APCS: variants seen among roughly 807,000 people sequenced by gnomAD.
APCS encodes the protein amyloid P component, serum, also known as serum amyloid P-component.
A neutral mutation model predicts 2.5 loss-of-function variants in APCS; 2 were observed. The ratio of observed to expected loss-of-function variants is 0.80; its 90% CI spans 0.33 to 2.53. The LOEUF (loss-of-function observed/expected upper bound fraction) is 2.53, where lower values mean the gene tolerates loss of function less well. Ranked by LOEUF, APCS falls within the 30% of genes most tolerant of loss-of-function variation. The pLI is 0.11. For missense variants in APCS, 302 were observed against 258.9 expected (o/e 1.17, Z -1.14); for synonymous variants, 109 against 102.5 (o/e 1.06, Z -0.39).
Position 159,588,502 on chromosome 1 carries a change from C to G in APCS, c.466C>G (p.Gln156Glu). Residue 156 changes from glutamine to glutamate, a missense_variant, in exon 2 of 2, where the codon CAG becomes GAG. Physicochemically the swap from Gln to Glu is conservative, Grantham distance 29. Transcript: ENST00000255040. ...AQPKIVLGQE[Q>E]DSYGGKFDRS... ...GCCCAAGATTGTCCTGGGGCAGGAA[C>G]AGGATTCCTATGGGGGCAAGTTTGA... 2 of 1,613,824 alleles carry G rather than the reference C, an allele frequency of 1.2e-6. No individual in the cohort carries two copies. Among genetic ancestry groups the G allele is most frequent in the East Asian group, 2.2e-5 (1 of 44,868 alleles).
chr1:159,588,582 G>T lies in APCS; in HGVS notation c.546G>T (p.Val182=), dbSNP rs1304999534. ...EIGDLYMWDS[V]LPPENILSAY... is the part of the protein sequence containing the mutation. ...GGGATTTGTACATGTGGGACTCTGTGCTGCCCCCAGAAAATATCCTGTCTG... is the reference window on the plus strand; with the variant it reads ...GGGATTTGTACATGTGGGACTCTGTTCTGCCCCCAGAAAATATCCTGTCTG... Residue 182 remains valine (V), a synonymous_variant, in exon 2 of 2, where the codon GTG becomes GTT. Transcript: ENST00000255040. 7 of 1,613,866 alleles carry T rather than the reference G, an allele frequency of 4.3e-6. No homozygotes were observed. The highest frequency in any genetic ancestry group is 5.9e-6 in the Non-Finnish European group (7 of 1,179,976).
Position 159,588,278 on chromosome 1 carries a change from T to C in APCS, c.242T>C (p.Leu81Pro). ...ACCCAAGGCAGGGATAATGAGCTAC[T>C]AGTTTATAAAGAAAGAGTTGGAGAG... ...YNTQGRDNELLVYKERVGEYS... is the reference protein window; with the variant it reads ...YNTQGRDNELPVYKERVGEYS... The change falls in exon 2 of 2, where the codon CTA becomes CCA. Residue 81 changes from leucine (L) to proline (P), a missense_variant. Coordinates refer to ENST00000255040, the MANE Select transcript of APCS (RefSeq NM_001639.4). 1 of 1,613,832 alleles carries C rather than the reference T, an allele frequency of 6.2e-7. No homozygotes were observed. The highest frequency in any genetic ancestry group is 2.2e-5 in the East Asian group (1 of 44,878).
In APCS at chr1:159,588,519, C is replaced by T; in HGVS notation, c.483C>T (p.Gly161=). The change falls in exon 2 of 2, where the codon GGC becomes GGT. Residue 161 remains glycine, a synonymous_variant. Transcript: ENST00000255040. ...GGCAGGAACAGGATTCCTATGGGGG[C>T]AAGTTTGATAGGAGCCAGTCCTTTG... ...VLGQEQDSYG[G]KFDRSQSFVG... is the part of the protein sequence containing the mutation. 6.2e-7 allele frequency: 1 copy of T among 1,613,892 alleles called. No individual in the cohort carries two copies. The highest frequency in any genetic ancestry group is 1.1e-5 in the South Asian group (1 of 91,068).
Position 159,587,912 on chromosome 1 carries a change from G to A in APCS, c.-10G>A. ...CACTGCTTCTGCTATAACAGCCCTA[G>A]GCCAGGAATATGAACAAGCCGCTGC... On this transcript the variant is annotated 5_prime_UTR_variant, in exon 1 of 2. Transcript: ENST00000255040. 6.2e-7 allele frequency: 1 copy of A among 1,613,558 alleles called. No individual in the cohort carries two copies. Among genetic ancestry groups the A allele is most frequent in the South Asian group, 1.1e-5 (1 of 91,046 alleles).
In APCS at chr1:159,588,849, T is replaced by C; in HGVS notation, c.*141T>C. 2.2e-6 allele frequency: 2 copies of C among 903,744 alleles called. No individual in the cohort carries two copies. The highest frequency in any genetic ancestry group is 3.2e-6 in the Non-Finnish European group (2 of 615,604). The allele number at this position is 903,744 out of a possible 1,614,324, so 56.0% of individuals were successfully genotyped here. ...GTATGTCTGCCTAATTAAAAAAATA[T>C]ATATTGTATTATGCTACCTGCATTT... On this transcript the variant is annotated 3_prime_UTR_variant, in exon 2 of 2. Coordinates refer to ENST00000255040, the MANE Select transcript of APCS (RefSeq NM_001639.4).
rs200323035 is a variant in APCS at position 159,588,259 on chromosome 1, G to A, written c.223G>A (p.Gly75Ser). Residue 75 changes from glycine to serine, a missense_variant, in exon 2 of 2, where the codon GGC becomes AGC. Transcript: ENST00000255040. ...AYSLFSYNTQ[G>S]RDNELLVYKE... ...CAGCCTCTTCTCCTACAATACCCAAGGCAGGGATAATGAGCTACTAGTTTA... is the reference window on the plus strand; with the variant it reads ...CAGCCTCTTCTCCTACAATACCCAAAGCAGGGATAATGAGCTACTAGTTTA... 8 of 1,613,850 alleles carry A rather than the reference G, an allele frequency of 5.0e-6. No individual in the cohort carries two copies. The highest frequency in any genetic ancestry group is 6.8e-6 in the Non-Finnish European group (8 of 1,179,926).
Position 159,588,235 on chromosome 1 carries a change from A to G in APCS, c.199A>G (p.Ser67Gly). 2 of 1,614,170 alleles carry G rather than the reference A, an allele frequency of 1.2e-6. No individual in the cohort carries two copies. The highest frequency in any genetic ancestry group is 1.7e-6 in the Non-Finnish European group (2 of 1,180,002). The change falls in exon 2 of 2, where the codon AGC (serine) becomes GGC (glycine). Residue 67 changes from serine to glycine, a missense_variant. Transcript: ENST00000255040. ...CTATAGTGATCTCTCTCGTGCCTAC[A>G]GCCTCTTCTCCTACAATACCCAAGG... ...RAYSDLSRAY[S>G]LFSYNTQGRD...
In APCS at chr1:159,588,752, A is replaced by T. The variant is rs1420224621; in HGVS notation, c.*44A>T. The T allele has an allele frequency of 1.3e-6, 2 of 1,560,864 alleles. No homozygotes were observed. Among genetic ancestry groups the T allele is most frequent in the Non-Finnish European group, 1.7e-6 (2 of 1,148,870 alleles). On this transcript the variant is annotated 3_prime_UTR_variant, in exon 2 of 2. Coordinates refer to ENST00000255040, the MANE Select transcript of APCS (RefSeq NM_001639.4). The stretch of plus-strand genomic sequence containing the variant: ...GCACTTGAAAATGAAATGACTGTCT[A>T]AGAGATCTGGTCAAAGCAACTGGAT...
In APCS at chr1:159,588,057, G is replaced by C. The variant is rs751267985; in HGVS notation, c.65-44G>C. ...GTTGAAGCTGAGATATCTTTTCCCT[G>C]CATTTATACTGAAGGTCATTATCTT... On this transcript the variant is annotated intron_variant, in intron 1 of 1. Coordinates refer to ENST00000255040, the MANE Select transcript of APCS (RefSeq NM_001639.4). The C allele has an allele frequency of 3.7e-6, 6 of 1,613,100 alleles. No homozygotes were observed. The African/African-American group carries it at 6.7e-5, about 18-fold the overall frequency.
In APCS at chr1:159,588,118, T is replaced by C; in HGVS notation, c.82T>C (p.Phe28Leu). Residue 28 changes from phenylalanine to leucine, a missense_variant, in exon 2 of 2, where the codon TTT becomes CTT. Phe to Leu is a conservative substitution (Grantham distance 22, BLOSUM62 0). Transcript: ENST00000255040. ...FAHTDLSGKV[F>L]VFPRESVTDH... ...TCCCGCAGACCTCAGTGGGAAGGTG[T>C]TTGTATTTCCTAGAGAATCTGTTAC... The C allele has an allele frequency of 6.2e-7, 1 of 1,613,652 alleles. No individual in the cohort carries two copies.
rs1291866975 is a variant in APCS, at chr1:159,588,804, C to T, written c.*96C>T. 6 of 1,347,460 alleles carry T rather than the reference C, an allele frequency of 4.5e-6. No individual in the cohort carries two copies. The African/African-American group carries it at 5.9e-5, about 13-fold the overall frequency. 83.5% of individuals were successfully genotyped at this position (1,347,460 alleles called of 1,614,324 possible). On this transcript the variant is annotated 3_prime_UTR_variant, in exon 2 of 2. Coordinates refer to ENST00000255040, the MANE Select transcript of APCS (RefSeq NM_001639.4). ...CTAGATCTTACATCTGCAGCTCTTTCTTCTTTGAATTTCCTATCTGTATGT... is the reference window on the plus strand; with the variant it reads ...CTAGATCTTACATCTGCAGCTCTTTTTTCTTTGAATTTCCTATCTGTATGT...
In APCS at chr1:159,588,834, C is replaced by T. The variant is rs1390321139; in HGVS notation, c.*126C>T. The T allele has an allele frequency of 3.6e-6, 4 of 1,102,530 alleles. No individual in the cohort carries two copies. The East Asian group carries it at 7.2e-5, about 20-fold the overall frequency. 68.3% of individuals were successfully genotyped at this position (1,102,530 alleles called of 1,614,324 possible). ...TTGAATTTCCTATCTGTATGTCTGC[C>T]TAATTAAAAAAATATATATTGTATT... On this transcript the variant is annotated 3_prime_UTR_variant, in exon 2 of 2. Transcript: ENST00000255040.
chr1:159,588,489 C>T lies in APCS; in HGVS notation c.453C>T (p.Val151=), dbSNP rs1465629350. 6.2e-7 allele frequency: 1 copy of T among 1,613,818 alleles called. No individual in the cohort carries two copies. Among genetic ancestry groups the T allele is most frequent in the Admixed American group, 1.7e-5 (1 of 59,984 alleles). The change falls in exon 2 of 2, where the codon GTC becomes GTT. Residue 151 remains valine, a synonymous_variant. Transcript: ENST00000255040. ...GYFVEAQPKI[V]LGQEQDSYGG... The stretch of plus-strand genomic sequence containing the variant: ...TTGTAGAAGCTCAGCCCAAGATTGT[C>T]CTGGGGCAGGAACAGGATTCCTATG...
At position 159,588,513 on chromosome 1, in the gene APCS, T is replaced by TG. The variant is rs778663293; in HGVS notation, c.482dup (p.Lys162GlnfsTer3). On this transcript the variant is annotated frameshift_variant, in exon 2 of 2. Transcript: ENST00000255040. LOFTEE classifies it low-confidence loss of function (END_TRUNC). Reference sequence around the variant, plus strand: ...TCCTGGGGCAGGAACAGGATTCCTATGGGGGCAAGTTTGATAGGAGCCAGT... The same window carrying TG: ...TCCTGGGGCAGGAACAGGATTCCTATGGGGGGCAAGTTTGATAGGAGCCAGT... 813 of 1,613,980 alleles carry TG rather than the reference T, an allele frequency of 5.0e-4. No homozygotes were observed. The highest frequency in any genetic ancestry group is 6.6e-4 in the Non-Finnish European group (784 of 1,179,972).
Position 159,588,715 on chromosome 1 carries a change from G to A in APCS, c.*7G>A. 4 of 1,598,136 alleles carry A rather than the reference G, an allele frequency of 2.5e-6. No individual in the cohort carries two copies. The highest frequency in any genetic ancestry group is 3.4e-6 in the Non-Finnish European group (4 of 1,169,242). Reference sequence around the variant, plus strand: ...ACCCTTGGTGTGGGTCTGAGGTCTTGACTCAACGAGAGCACTTGAAAATGA... The same window carrying A: ...ACCCTTGGTGTGGGTCTGAGGTCTTAACTCAACGAGAGCACTTGAAAATGA... On this transcript the variant is annotated 3_prime_UTR_variant, in exon 2 of 2. Coordinates refer to ENST00000255040, the MANE Select transcript of APCS (RefSeq NM_001639.4).
chr1:159,588,124 T>C lies in APCS; in HGVS notation c.88T>C (p.Phe30Leu), dbSNP rs943375054. 4 of 1,613,608 alleles carry C rather than the reference T, an allele frequency of 2.5e-6. No individual in the cohort carries two copies. The highest frequency in any genetic ancestry group is 2.7e-5 in the African/African-American group (2 of 74,884). ...AGACCTCAGTGGGAAGGTGTTTGTATTTCCTAGAGAATCTGTTACTGATCA... is the reference window on the plus strand; with the variant it reads ...AGACCTCAGTGGGAAGGTGTTTGTACTTCCTAGAGAATCTGTTACTGATCA... ...HTDLSGKVFV[F>L]PRESVTDHVN... Residue 30 changes from phenylalanine to leucine, a missense_variant, in exon 2 of 2, where the codon TTT (phenylalanine) becomes CTT (leucine). Physicochemically the swap from Phe to Leu is conservative, Grantham distance 22. Transcript: ENST00000255040.
chr1:159,588,591 A>G lies in APCS; in HGVS notation c.555A>G (p.Pro185=). The change falls in exon 2 of 2, where the codon CCA becomes CCG. Residue 185 remains proline (P), a synonymous_variant. Coordinates refer to ENST00000255040, the MANE Select transcript of APCS (RefSeq NM_001639.4). Reference sequence around the variant, plus strand: ...ACATGTGGGACTCTGTGCTGCCCCCAGAAAATATCCTGTCTGCCTATCAGG... The same window carrying G: ...ACATGTGGGACTCTGTGCTGCCCCCGGAAAATATCCTGTCTGCCTATCAGG... ...DLYMWDSVLP[P]ENILSAYQGT... is the part of the protein sequence containing the mutation. 6.2e-7 allele frequency: 1 copy of G among 1,613,960 alleles called. No individual in the cohort carries two copies. The highest frequency in any genetic ancestry group is 8.5e-7 in the Non-Finnish European group (1 of 1,179,986).
chr1:159,588,320 G>C lies in APCS; in HGVS notation c.284G>C (p.Gly95Ala). ...ERVGEYSLYI[G>A]RHKVTSKVIE... The stretch of plus-strand genomic sequence containing the variant: ...GTTGGAGAGTATAGTCTATACATTG[G>C]AAGACACAAAGTTACATCCAAAGTT... The change falls in exon 2 of 2, where the codon GGA becomes GCA. Residue 95 changes from glycine to alanine, a missense_variant. Coordinates refer to ENST00000255040, the MANE Select transcript of APCS (RefSeq NM_001639.4). The C allele has an allele frequency of 6.2e-7, 1 of 1,614,124 alleles. No individual in the cohort carries two copies. The highest frequency in any genetic ancestry group is 8.5e-7 in the Non-Finnish European group (1 of 1,180,012).
chr1:159,588,563 T>A lies in APCS; in HGVS notation c.527T>A (p.Leu176Ter). Residue 176 changes from leucine (L) to a stop codon, truncating the protein, a stop_gained, in exon 2 of 2, where the codon TTG becomes TAG. Transcript: ENST00000255040. LOFTEE classifies it low-confidence loss of function (END_TRUNC). Reference sequence around the variant, plus strand: ...TCCTTTGTGGGAGAGATTGGGGATTTGTACATGTGGGACTCTGTGCTGCCC... The same window carrying A: ...TCCTTTGTGGGAGAGATTGGGGATTAGTACATGTGGGACTCTGTGCTGCCC... ...SQSFVGEIGD[L>*]YMWDSVLPPE... 6.2e-7 allele frequency: 1 copy of A among 1,613,960 alleles called. No homozygotes were observed. Among genetic ancestry groups the A allele is most frequent in the Non-Finnish European group, 8.5e-7 (1 of 1,180,002 alleles).
Sources: gnomAD v4.1 joint callset for allele counts on GRCh38, gnomAD v4.1.1 for gene constraint, MANE v1.5 for transcripts, NCBI Gene and HGNC (gene_info 2026-07-23, HGNC 2026-07-21) for gene names.